CSGALNACT1: variants seen among roughly 807,000 people sequenced by gnomAD.
The protein encoded by CSGALNACT1 is beta4GalNAcT-1.
A neutral mutation model predicts 51.0 loss-of-function variants in CSGALNACT1; 52 were observed. The observed-to-expected ratio is 1.02, with a 90% CI of 0.82 to 1.29. CSGALNACT1 has a LOEUF of 1.29. Ranked by LOEUF, CSGALNACT1 falls within the 50% of genes most tolerant of loss-of-function variation. The pLI, the probability that CSGALNACT1 is intolerant of heterozygous loss-of-function variation, is 0.00. For synonymous variants in CSGALNACT1, 341 were observed against 254.4 expected, an observed-to-expected ratio of 1.34 and a Z score of -3.24; for missense variants, 935 against 679.2, an observed-to-expected ratio of 1.38 and a Z score of -4.19.
At chr8:19,531,356 G>A (rs2082729568) in intron 3 of CSGALNACT1, among the ~76,000 whole-genome samples, 1 of 152,174 alleles carries the variant, frequency 6.6e-6, no homozygotes, top group African/African-American at 2.4e-5. Context: ...CGTTAATATT[G>A]CCATTCCCAT....
chr8:19,544,968 C>G (rs931440869), intron 3 of CSGALNACT1, among the ~76,000 whole-genome samples: 4 of 151,896 alleles, frequency 2.6e-5, no homozygotes, highest in Admixed American at 2.6e-4. Context: ...AAAATGGGAA[C>G]CAGGGGAGAA....
At chr8:19,497,975 A>G (rs2075767757) in intron 4 of CSGALNACT1, among the ~76,000 whole-genome samples, 1 of 152,156 alleles carries the variant, frequency 6.6e-6, no homozygotes, top group Non-Finnish European at 1.5e-5. Flanking sequence ...GACCGAACCA[A>G]TGTTCATCCT....
At chr8:19,644,328 T>A (rs1306790009) in intron 1 of CSGALNACT1, among the ~76,000 whole-genome samples, 6 of 151,830 alleles carry the variant, frequency 4.0e-5, no homozygotes, top group African/African-American at 1.2e-4. Flanking sequence ...ATAATTAGTA[T>A]ATTTCTTTTT....
At chr8:19,530,825 GA>G (rs1563922942) in intron 3 of CSGALNACT1, among the ~76,000 whole-genome samples, 1 of 152,170 alleles carries the variant, frequency 6.6e-6, no homozygotes, top group African/African-American at 2.4e-5. Context: ...AGGGACTGGT[GA>G]GGAAAAAAGA....
At chr8:19,672,448 T>C (rs1021371075) in intron 1 of CSGALNACT1, among the ~76,000 whole-genome samples, 11 of 152,250 alleles carry the variant, frequency 7.2e-5, no homozygotes, top group African/African-American at 2.2e-4. Context: ...GAGTGAGTCA[T>C]ATCTCAGACA....
chr8:19,523,418 T>A (rs1156722937), intron 3 of CSGALNACT1, among the ~76,000 whole-genome samples: 2 of 152,046 alleles, frequency 1.3e-5, no homozygotes, highest in African/African-American at 2.4e-5. Context: ...ATGCATGACA[T>A]GATGCCCAGC....
intron 1 of CSGALNACT1, among the ~76,000 whole-genome samples, chr8:19,634,959 A>T (rs190507186): frequency 6.6e-6 from 1 of 152,332 alleles, no homozygotes; most frequent in Admixed American, 6.5e-5. Flanking sequence ...CGCTAATCAG[A>T]CACCATCTGA....
chr8:19,434,531 T>C lies in CSGALNACT1; in HGVS notation c.953+5299A>G, dbSNP rs557963786. Among the ~76,000 whole-genome samples, 5 of 152,288 alleles carry C rather than the reference T, an allele frequency of 3.3e-5. No homozygotes were observed. The East Asian group carries it at 9.7e-4, about 29-fold the overall frequency. On this transcript the variant is annotated intron_variant, in intron 6 of 9. Transcript: ENST00000454498. The stretch of plus-strand genomic sequence containing the variant: ...CTGGTTCATTAGAAAAATATAATAA[T>C]CATACTCAGGAAATTAACATTTTTA...
intron 3 of CSGALNACT1, among the ~76,000 whole-genome samples, chr8:19,552,865 A>G (rs1395620268): frequency 6.6e-6 from 1 of 152,206 alleles, no homozygotes; most frequent in Non-Finnish European, 1.5e-5. Flanking sequence ...AACTGCAAAC[A>G]GGTACTCCTT....
chr8:19,676,660 G>A (rs1183691522), intron 1 of CSGALNACT1, among the ~76,000 whole-genome samples: 1 of 151,964 alleles, frequency 6.6e-6, no homozygotes, highest in Non-Finnish European at 1.5e-5. Context: ...AACATTTGCA[G>A]AAACAGTCAT....
At chr8:19,653,444 C>G (rs1179701594) in intron 1 of CSGALNACT1, among the ~76,000 whole-genome samples, 1 of 152,128 alleles carries the variant, frequency 6.6e-6, no homozygotes, top group Non-Finnish European at 1.5e-5. Flanking sequence ...ACCCTGCACC[C>G]TCATCCAATC....
At chr8:19,609,915 G>A (rs2051964176) in intron 1 of CSGALNACT1, among the ~76,000 whole-genome samples, 1 of 152,012 alleles carries the variant, frequency 6.6e-6, no homozygotes, top group African/African-American at 2.4e-5. Flanking sequence ...GGAGGAGCAT[G>A]GTCCTTTTAA....
chr8:19,602,177 G>T, exon 1 of CSGALNACT1: 1 of 201,898 alleles, frequency 5.0e-6, no homozygotes, highest in South Asian at 7.3e-5. Context: ...AAAGAAACGT[G>T]CCCAGCTGCC....
In CSGALNACT1 at chr8:19,611,423, T is replaced by C. The variant is rs113874633; in HGVS notation, c.-543-9558A>G. ...AGTAAAAATAGCTAGCTAGCATTTATTGGGCACTTGCTGTAAACCACGCCC... is the reference window on the plus strand; with the variant it reads ...AGTAAAAATAGCTAGCTAGCATTTACTGGGCACTTGCTGTAAACCACGCCC... On this transcript the variant is annotated intron_variant, in intron 1 of 9. Coordinates refer to the CSGALNACT1 transcript ENST00000332246. Among the ~76,000 whole-genome samples the C allele has an allele frequency of 2.4e-4, 36 of 152,362 alleles. No individual in the cohort carries two copies. In the South Asian group the frequency reaches 5.4e-3, roughly 23 times the overall value.
chr8:19,520,527 T>C (rs985707953), intron 3 of CSGALNACT1, among the ~76,000 whole-genome samples: 1 of 152,380 alleles, frequency 6.6e-6, no homozygotes, highest in Non-Finnish European at 1.5e-5. Context: ...AACTGATTAT[T>C]ATGGCATTAG....
chr8:19,667,258 CAAAAA>C (rs928798627), intron 1 of CSGALNACT1, among the ~76,000 whole-genome samples: 1 of 101,560 alleles, frequency 9.8e-6, no homozygotes. Flanking sequence ...CCATCTCTAC[CAAAAA>C]AAAAAAAAAA....
chr8:19,755,480 A>AAAAAAAAAAAAAAAC (rs2065308904), intron 1 of CSGALNACT1, among the ~76,000 whole-genome samples: 1 of 143,888 alleles, frequency 6.9e-6, no homozygotes, highest in Non-Finnish European at 1.5e-5. Flanking sequence ...AAAAAAAAAA[A>AAAAAAAAAAAAAAAC]AGACAACATT....
upstream of CSGALNACT1, among the ~76,000 whole-genome samples, chr8:19,686,391 G>T (rs2060979034): frequency 6.6e-6 from 1 of 152,204 alleles, no homozygotes; most frequent in Non-Finnish European, 1.5e-5. Context: ...AAGCCCACCA[G>T]GTCTCAGGAG....
intron 1 of CSGALNACT1, among the ~76,000 whole-genome samples, chr8:19,737,399 A>C (rs2064047037): frequency 6.6e-6 from 1 of 152,208 alleles, no homozygotes; most frequent in Admixed American, 6.5e-5. Flanking sequence ...TTTACAAGAT[A>C]GATAAGGCAA....
Sources: allele counts gnomAD v4.1 joint callset (sites outside exome capture counted in the v4.1 genomes callset), GRCh38; gene constraint gnomAD v4.1.1; transcripts MANE v1.5; gene names NCBI Gene and HGNC (gene_info 2026-07-23, HGNC 2026-07-21).